Variants in OSBPL10 observed in about 807,000 individuals in gnomAD.
OSBPL10 encodes the protein oxysterol binding protein like 10, also known as oxysterol-binding protein-related protein 10.
Under a neutral mutation model 81.7 loss-of-function variants are expected in OSBPL10, and 49 were observed. The ratio of observed to expected loss-of-function variants is 0.60; its 90% confidence interval spans 0.48 to 0.76. The LOEUF (loss-of-function observed/expected upper bound fraction) is 0.76, where lower values mean the gene tolerates loss of function less well. Among genes scored for constraint, OSBPL10 ranks in the 30% least tolerant of loss-of-function variants. The pLI, the probability that OSBPL10 is intolerant of heterozygous loss-of-function variation, is 0.00. For missense variants in OSBPL10, 923 were observed against 987.8 expected, an observed-to-expected ratio of 0.93 and a Z score of 0.88; for synonymous variants, 419 against 383.6, an observed-to-expected ratio of 1.09 and a Z score of -1.08.
intron 1 of OSBPL10, among the ~76,000 whole-genome samples, chr3:31,930,055 C>G (rs145503809): frequency 0.014 from 2,120 of 147,150 alleles, 21 homozygotes; most frequent in Middle Eastern, 0.025. Context: ...CCTGTAATAC[C>G]AGAACTTTGA....
chr3:31,989,006 A>G (rs1281420021), intron 2 of OSBPL10: 3 of 1,565,184 alleles, frequency 1.9e-6, no homozygotes, highest in Non-Finnish European at 2.6e-6. Context: ...TCGGAAACAG[A>G]TAACTAATAC....
intron 1 of OSBPL10, among the ~76,000 whole-genome samples, chr3:31,895,135 T>A (rs373467786): frequency 1.9e-5 from 1 of 52,454 alleles, no homozygotes; most frequent in Non-Finnish European, 4.3e-5. Context: ...CTCTGCGGCC[T>A]TTTTTTTTTT....
At chr3:32,017,674 G>A (rs1054036289) in intron 2 of OSBPL10, among the ~76,000 whole-genome samples, 3 of 152,134 alleles carry the variant, frequency 2.0e-5, no homozygotes, top group Admixed American at 6.5e-5. Context: ...GGGTTTTATT[G>A]TTCGCTGTGT....
intron 1 of OSBPL10, among the ~76,000 whole-genome samples, chr3:31,918,119 CAACT>C (rs1290822191): frequency 6.6e-6 from 1 of 151,966 alleles, no homozygotes; most frequent in African/African-American, 2.4e-5. Context: ...TGAAAAAGAA[CAACT>C]TACTATAAAT....
intron 1 of OSBPL10, among the ~76,000 whole-genome samples, chr3:31,902,196 A>G (rs1696262189): frequency 6.6e-6 from 1 of 152,108 alleles, no homozygotes; most frequent in South Asian, 2.1e-4. Flanking sequence ...GCTAATGCAC[A>G]TATAGCACCT....
intron 1 of OSBPL10, among the ~76,000 whole-genome samples, chr3:31,925,567 C>T (rs1161870204): frequency 2.6e-5 from 4 of 151,574 alleles, no homozygotes; most frequent in African/African-American, 9.7e-5. Flanking sequence ...AATCCCAGTA[C>T]TTTGGGAGGC....
intron 2 of OSBPL10, among the ~76,000 whole-genome samples, chr3:32,044,881 A>G (rs1173027347): frequency 2.6e-5 from 4 of 152,220 alleles, no homozygotes; most frequent in African/African-American, 9.6e-5. Context: ...TATTTGAAAT[A>G]GTAATTCAAT....
chr3:31,944,949 G>A (rs1203722262), intron 1 of OSBPL10, among the ~76,000 whole-genome samples: 3 of 146,520 alleles, frequency 2.0e-5, no homozygotes, highest in Non-Finnish European at 4.5e-5. Flanking sequence ...TCAAGAGATT[G>A]AGACCATCCT....
At chr3:31,685,043 A>G (rs528177585) in intron 7 of OSBPL10, among the ~76,000 whole-genome samples, 1 of 152,286 alleles carries the variant, frequency 6.6e-6, no homozygotes, top group African/African-American at 2.4e-5. Context: ...CTGTAACCCA[A>G]TGATTATTTA....
intron 3 of OSBPL10, among the ~76,000 whole-genome samples, chr3:31,854,413 T>G (rs1217365770): frequency 6.6e-6 from 1 of 152,188 alleles, no homozygotes; most frequent in Non-Finnish European, 1.5e-5. Context: ...TCCTTTGTGG[T>G]TAGTCTCAGC....
In OSBPL10 at chr3:31,664,150, TCTC is replaced by T. The variant is rs1700132424; in HGVS notation, c.2176_2178del (p.Glu726del). ...CGCTTCCGTTCCTCCACCCGTTGCT[TCTC>T]CTCCAGGTGCCGCTTCTGCTCGGTG... On this transcript the variant is annotated inframe_deletion, in exon 11 of 12. Coordinates refer to ENST00000396556, the MANE Select transcript of OSBPL10 (RefSeq NM_017784.5). 4 of 1,613,604 alleles carry T rather than the reference TCTC, an allele frequency of 2.5e-6. No homozygotes were observed. The highest frequency in any genetic ancestry group is 3.4e-6 in the Non-Finnish European group (4 of 1,179,896).
chr3:31,913,008 A>G (rs1696633843), intron 1 of OSBPL10, among the ~76,000 whole-genome samples: 1 of 152,228 alleles, frequency 6.6e-6, no homozygotes, highest in Admixed American at 6.5e-5. Flanking sequence ...GTACATACAC[A>G]CACACATATA....
intron 7 of OSBPL10, among the ~76,000 whole-genome samples, chr3:31,686,927 TCAC>T (rs1700806668): frequency 6.6e-6 from 1 of 152,022 alleles, no homozygotes; most frequent in African/African-American, 2.4e-5. Flanking sequence ...CCCCAAATAC[TCAC>T]CACACTTCCC....
At chr3:31,733,894 C>T (rs1225256241) in intron 5 of OSBPL10, among the ~76,000 whole-genome samples, 2 of 151,798 alleles carry the variant, frequency 1.3e-5, no homozygotes, top group Non-Finnish European at 2.9e-5. Flanking sequence ...CCTGTAGTCC[C>T]AGCTACTCGG....
At chr3:31,710,509 A>G (rs1696220036) in intron 6 of OSBPL10, 1 of 152,248 alleles carries the variant, frequency 6.6e-6, no homozygotes, top group Admixed American at 6.5e-5. Context: ...GGCCCTGTCC[A>G]CGAGGTAAGC....
chr3:31,879,630 A>C, intron 2 of OSBPL10, 25 bp downstream of exon 2: 1 of 1,587,788 alleles, frequency 6.3e-7, no homozygotes, highest in South Asian at 1.2e-5. Flanking sequence ...GGCCTGTCTG[A>C]AAAGTTACTG....
chr3:31,879,309 A>G (rs1451745201), intron 2 of OSBPL10: 1 of 174,082 alleles, frequency 5.7e-6, no homozygotes, highest in Non-Finnish European at 1.2e-5. Context: ...TTTTGCCCTT[A>G]TAGCACAGCC....
chr3:32,073,245 G>T (rs772268839), intron 1 of OSBPL10, among the ~76,000 whole-genome samples: 40 of 152,132 alleles, frequency 2.6e-4, no homozygotes, highest in African/African-American at 9.7e-4. Context: ...CCTCCAGCAG[G>T]CTAGACAGGA....
intron 4 of OSBPL10, among the ~76,000 whole-genome samples, chr3:31,796,544 T>C (rs1331843127): frequency 6.6e-6 from 1 of 152,132 alleles, no homozygotes; most frequent in Non-Finnish European, 1.5e-5. Context: ...ATTGAATATA[T>C]ATTTTGCCCC....
Sources: allele counts gnomAD v4.1 joint callset (sites outside exome capture counted in the v4.1 genomes callset), GRCh38; gene constraint gnomAD v4.1.1; transcripts MANE v1.5; gene names NCBI Gene and HGNC (gene_info 2026-07-23, HGNC 2026-07-21).